KCTD5: variants seen among roughly 807,000 people sequenced by gnomAD.
The protein encoded by KCTD5 is potassium channel tetramerization domain containing 5, also known as BTB/POZ domain-containing protein KCTD5.
Under a neutral mutation model 27.9 loss-of-function variants are expected in KCTD5, and 12 were observed. That is an observed-to-expected ratio of 0.43 (90% confidence interval 0.28 to 0.70). The LOEUF (loss-of-function observed/expected upper bound fraction) is 0.70, where lower values mean the gene tolerates loss of function less well. Ranked by LOEUF, KCTD5 falls within the 30% of genes least tolerant of loss-of-function variation. The pLI is 0.19. For synonymous variants in KCTD5, 147 were observed against 121.4 expected (o/e 1.21, Z -1.39); for missense variants, 226 against 274.8 (o/e 0.82, Z 1.26).
At chr16:2,692,826 A>G (rs1013459397) in intron 1 of KCTD5, among the ~76,000 whole-genome samples, 4 of 152,216 alleles carry the variant, frequency 2.6e-5, no homozygotes, top group Admixed American at 6.5e-5. Flanking sequence ...CAACAATAGG[A>G]GTAAGCCAGG....
intron 4 of KCTD5, among the ~76,000 whole-genome samples, chr16:2,700,566 G>T (rs1312709313): frequency 1.3e-5 from 2 of 152,200 alleles, no homozygotes; most frequent in Non-Finnish European, 2.9e-5. Flanking sequence ...CCCACGACCT[G>T]GCTGCCACTG....
intron 2 of KCTD5, among the ~76,000 whole-genome samples, chr16:2,697,516 C>T (rs758358178): frequency 6.6e-6 from 1 of 152,248 alleles, no homozygotes; most frequent in African/African-American, 2.4e-5. Context: ...CAGGAAGCGT[C>T]GGCCTCCAGG....
intron 5 of KCTD5, among the ~76,000 whole-genome samples, chr16:2,704,607 G>T (rs897157420): frequency 6.6e-6 from 1 of 152,236 alleles, no homozygotes; most frequent in African/African-American, 2.4e-5. Flanking sequence ...CAGCAAGGGC[G>T]GGCACCTGGG....
At chr16:2,699,244 G>C (rs568817563) in intron 3 of KCTD5, 2 of 455,938 alleles carry the variant, frequency 4.4e-6, no homozygotes, top group Non-Finnish European at 8.8e-6. Flanking sequence ...GCAGGCGGGC[G>C]GCCCTGGTGG....
At chr16:2,684,784 A>T (rs1420271299) in intron 1 of KCTD5, 1 of 151,990 alleles carries the variant, frequency 6.6e-6, no homozygotes, top group Non-Finnish European at 1.5e-5. Flanking sequence ...AAAATAAAAA[A>T]AAAATAAGCC....
In KCTD5 at chr16:2,702,412, T is replaced by G; in HGVS notation, c.609T>G (p.Cys203Trp). Residue 203 changes from cysteine to tryptophan, a missense_variant, in exon 5 of 6, where the codon TGT becomes TGG. Transcript: ENST00000301738. The stretch of plus-strand genomic sequence containing the variant: ...ACGAAGACCAAGCCGAGTTCCTCTG[T>G]GTGGTGTCCAAGGAGCTGCACAACA... Reference protein sequence around the residue: ...YGNEDQAEFLCVVSKELHNTP... With the variant: ...YGNEDQAEFLWVVSKELHNTP... 2.5e-6 allele frequency: 4 copies of G among 1,613,512 alleles called. No homozygotes were observed. The highest frequency in any genetic ancestry group is 3.4e-6 in the Non-Finnish European group (4 of 1,179,962).
chr16:2,688,290 C>A (rs1244286729), intron 1 of KCTD5, among the ~76,000 whole-genome samples: 2 of 148,376 alleles, frequency 1.3e-5, no homozygotes, highest in African/African-American at 2.5e-5. Context: ...TTGCTCTGTC[C>A]CCCAGGCTGG....
At chr16:2,684,898 A>G (rs1427718587) in intron 1 of KCTD5, 1 of 152,204 alleles carries the variant, frequency 6.6e-6, no homozygotes, top group Non-Finnish European at 1.5e-5. Flanking sequence ...AGATCACGCC[A>G]CTGCACTCTA....
At chr16:2,703,597 G>A (rs1281504525) in intron 5 of KCTD5, among the ~76,000 whole-genome samples, 1 of 152,182 alleles carries the variant, frequency 6.6e-6, no homozygotes, top group Non-Finnish European at 1.5e-5. Context: ...TATGCCCTTG[G>A]GAACAGAGGG....
chr16:2,699,988 A>G, intron 4 of KCTD5, 72 bp downstream of exon 4: 1 of 1,389,868 alleles, frequency 7.2e-7, no homozygotes. Context: ...CTCAGGGCTC[A>G]GTGCTCCTGG....
At chr16:2,688,370 C>G (rs1455363159) in intron 1 of KCTD5, among the ~76,000 whole-genome samples, 1 of 151,686 alleles carries the variant, frequency 6.6e-6, no homozygotes, top group Non-Finnish European at 1.5e-5. Flanking sequence ...CCTGCCCCAC[C>G]CTCCCAAGTA....
chr16:2,706,611 TG>T (rs1322606314), intron 5 of KCTD5, among the ~76,000 whole-genome samples: 1 of 143,614 alleles, frequency 7.0e-6, no homozygotes, highest in Non-Finnish European at 1.5e-5. Flanking sequence ...TCCTGGACAC[TG>T]GTGAGGGAAG....
At chr16:2,702,610 TG>T in intron 5 of KCTD5, 132 bp downstream of exon 5, 1 of 1,229,106 alleles carries the variant, frequency 8.1e-7, no homozygotes. Context: ...GCTGACTTCT[TG>T]GACACACGGT....
intron 2 of KCTD5, chr16:2,697,252 A>G (rs113234631): frequency 6.6e-6 from 1 of 152,544 alleles, no homozygotes. Context: ...AAGACCACCC[A>G]TGAGGAAGCC....
Position 2,708,405 on chromosome 16 carries a change from A to G in KCTD5, c.*1078A>G, listed in dbSNP as rs1596227964. ...GATTCCTTTAGAAACCGCTGCCCGC[A>G]TGCTTTGAAAACAGACCTTTCTCAG... On this transcript the variant is annotated 3_prime_UTR_variant, in exon 6 of 6. Transcript: ENST00000301738. The G allele has an allele frequency of 1.3e-5, 2 of 152,750 alleles. No individual in the cohort carries two copies. Among genetic ancestry groups the G allele is most frequent in the African/African-American group, 4.8e-5 (2 of 41,584 alleles). 9.5% of individuals were successfully genotyped at this position (152,750 alleles called of 1,614,324 possible).
intron 4 of KCTD5, 97 bp downstream of exon 4, chr16:2,700,013 C>A: frequency 9.0e-7 from 1 of 1,116,610 alleles, no homozygotes; most frequent in Non-Finnish European, 1.3e-6. Flanking sequence ...GCAGACTTTG[C>A]TGCTGGCGTC....
chr16:2,707,606 G>A lies in KCTD5; in HGVS notation c.*279G>A. ...TTTCCAAGTGCCACGTGGGACTGAG[G>A]CAGACACTCCCAGTCAGCCCGCTCG... On this transcript the variant is annotated 3_prime_UTR_variant, in exon 6 of 6. Transcript: ENST00000301738. The A allele has an allele frequency of 1.6e-6, 1 of 608,798 alleles. No individual in the cohort carries two copies. 37.7% of individuals were successfully genotyped at this position (608,798 alleles called of 1,614,324 possible).
rs748324959 is a variant in KCTD5 at position 2,702,450 on chromosome 16, C to T, written c.647C>T (p.Thr216Met). Residue 216 changes from threonine (T) to methionine (M), a missense_variant, in exon 5 of 6, where the codon ACG becomes ATG. This residue lies in a region of KCTD5 where 135 missense variants were observed against 207.0 expected (regional missense o/e 0.65). Transcript: ENST00000301738. Reference sequence around the variant, plus strand: ...GAGCTGCACAACACCCCGTACGGTACGGCCAGCGAGCCCAGCGAGAAGGCC... The same window carrying T: ...GAGCTGCACAACACCCCGTACGGTATGGCCAGCGAGCCCAGCGAGAAGGCC... Reference protein sequence around the residue: ...SKELHNTPYGTASEPSEKAKI... With the variant: ...SKELHNTPYGMASEPSEKAKI... 1.2e-4 allele frequency: 198 copies of T among 1,613,104 alleles called. 2 individuals are homozygous for T. In the South Asian group the frequency reaches 1.7e-3, roughly 14 times the overall value.
chr16:2,701,249 C>A (rs1036346880), intron 4 of KCTD5, among the ~76,000 whole-genome samples: 1 of 152,252 alleles, frequency 6.6e-6, no homozygotes, highest in Non-Finnish European at 1.5e-5. Flanking sequence ...TGTCCTCCCC[C>A]TTCCTTGATT....
Sources: allele counts gnomAD v4.1 joint callset (sites outside exome capture counted in the v4.1 genomes callset), GRCh38; gene constraint gnomAD v4.1.1; regional missense constraint gnomAD v4.1.1; transcripts MANE v1.5; gene names NCBI Gene and HGNC (gene_info 2026-07-23, HGNC 2026-07-21).